KLK13: variants seen among roughly 807,000 people sequenced by gnomAD.
KLK13 encodes kallikrein-13.
In KLK13, 19 loss-of-function variants were observed where a neutral mutation model predicts 22.4. The ratio of observed to expected loss-of-function variants is 0.85; its 90% CI spans 0.59 to 1.24. KLK13 has a LOEUF of 1.24. Ranked by LOEUF, KLK13 falls within the 50% of genes most tolerant of loss-of-function variation. The pLI is 0.00. For missense variants in KLK13, 311 were observed against 347.9 expected, an observed-to-expected ratio of 0.89 and a Z score of 0.84; for synonymous variants, 156 against 141.8, an observed-to-expected ratio of 1.10 and a Z score of -0.71.
chr19:51,056,653 C>T lies in KLK13; in HGVS notation c.768G>A (p.Leu256=). The T allele has an allele frequency of 6.8e-6, 11 of 1,614,212 alleles. No homozygotes were observed. The highest frequency in any genetic ancestry group is 9.3e-6 in the Non-Finnish European group (11 of 1,180,038). Residue 256 remains leucine (L), a synonymous_variant, in exon 5 of 5, where the codon CTG becomes CTA. Transcript: ENST00000595793. ...ATTTTCGGATTGTTTCACGGATCCA[C>T]AGGACGTATCTTGAGACACGGGTGT... ...GVYTRVSRYV[L]WIRETIRKYE... is the part of the protein sequence containing the mutation.
upstream of KLK13, among the ~76,000 whole-genome samples, chr19:51,065,374 A>T (rs569710819): frequency 6.7e-6 from 1 of 150,354 alleles, no homozygotes; most frequent in Non-Finnish European, 1.5e-5. Context: ...TGGTCGGTGC[A>T]CTCTCGCCCT....
chr19:51,056,862 A>G, intron 4 of KLK13, 87 bp from the exon 5 acceptor site: 1 of 983,396 alleles, frequency 1.0e-6, no homozygotes, highest in South Asian at 1.5e-5. Flanking sequence ...GAGAGAGTGA[A>G]AGATGGAGAG....
intron 4 of KLK13, 145 bp downstream of exon 4, chr19:51,058,393 G>T: frequency 1.3e-5 from 12 of 937,706 alleles, no homozygotes; most frequent in African/African-American, 3.3e-5. Flanking sequence ...ACCCCTTTTT[G>T]TCTTGACCTC....
rs759368450 is a variant in KLK13, at chr19:51,064,633, G to A, written c.52+383C>T. 6 of 546,266 alleles carry A rather than the reference G, an allele frequency of 1.1e-5. No homozygotes were observed. In the East Asian group the frequency reaches 1.9e-4, roughly 17 times the overall value. The allele number at this position is 546,266 out of a possible 1,614,324, so 33.8% of individuals were successfully genotyped here. A position where few individuals can be genotyped will look rare whatever the true frequency, so the allele number is the denominator to read the frequency against. On this transcript the variant is annotated intron_variant, in intron 1 of 4. Transcript: ENST00000595793. ...TATTCACAGTGACCTTCTCTGGTAA[G>A]CACTTATAGATTAAGCCCATTTTCC...
At chr19:51,065,095 G>C, upstream of KLK13, 1 of 1,460,978 alleles carries the variant, frequency 6.8e-7, no homozygotes, top group Non-Finnish European at 9.3e-7. Flanking sequence ...GGGAGGGCAG[G>C]GCGGGCGGGG....
Position 51,059,831 on chromosome 19 carries a change from G to A in KLK13, c.502C>T (p.Pro168Ser). ...RVSGWGTTTS[P>S]QVNYPKTLQC... is the part of the protein sequence containing the mutation. ...CACCTGTGTGGGTGCATACCCTGGG[G>A]GCTGGTGGTGGTGCCCCAGCCAGAC... The change falls in exon 3 of 5, where the codon CCC becomes TCC. Residue 168 changes from proline to serine, a missense_variant. Coordinates refer to ENST00000595793, the MANE Select transcript of KLK13 (RefSeq NM_015596.3). 1 of 1,601,002 alleles carries A rather than the reference G, an allele frequency of 6.2e-7. No individual in the cohort carries two copies. Among genetic ancestry groups the A allele is most frequent in the Non-Finnish European group, 8.5e-7 (1 of 1,173,024 alleles).
At chr19:51,063,465 G>T (rs187347741) in intron 1 of KLK13, 43 of 348,280 alleles carry the variant, frequency 1.2e-4, no homozygotes, top group African/African-American at 8.8e-4. Context: ...ATATGGACAG[G>T]GAAAACAACC....
chr19:51,058,510 A>G, intron 4 of KLK13, 28 bp downstream of exon 4: 2 of 1,613,064 alleles, frequency 1.2e-6, no homozygotes, highest in Non-Finnish European at 1.7e-6. Flanking sequence ...TATCCTGTCC[A>G]AGGCACCCAC....
rs1555791165 is a variant in KLK13 at position 51,056,779 on chromosome 19, AG to A, written c.646-5del. 1.9e-6 allele frequency: 3 copies of A among 1,611,308 alleles called. No homozygotes were observed. The highest frequency in any genetic ancestry group is 2.5e-6 in the Non-Finnish European group (3 of 1,178,098). ...CCAGGGGGCCCCCAGAGTCACCCTG[AG>A]TTGGGGAAAGAAAGAGAGAGAGAGG... is the stretch of plus-strand genomic sequence containing the variant. On this transcript the variant is annotated splice_polypyrimidine_tract_variant and splice_region_variant and intron_variant, in intron 4 of 4. Coordinates refer to ENST00000595793, the MANE Select transcript of KLK13 (RefSeq NM_015596.3).
intron 4 of KLK13, among the ~76,000 whole-genome samples, chr19:51,058,130 G>C (rs1227445338): frequency 2.0e-5 from 3 of 152,170 alleles, no homozygotes; most frequent in African/African-American, 7.2e-5. Flanking sequence ...ACAGAATAAA[G>C]AAGAGCTGAG....
intron 1 of KLK13, 112 bp downstream of exon 1, chr19:51,064,904 C>T (rs1599791021): frequency 1.2e-6 from 1 of 862,258 alleles, no homozygotes; most frequent in Non-Finnish European, 1.8e-6. Context: ...GACCCGGCCC[C>T]GAGTGGGCGG....
intron 4 of KLK13, among the ~76,000 whole-genome samples, chr19:51,057,674 A>C (rs1477750682): frequency 6.6e-6 from 1 of 152,110 alleles, no homozygotes; most frequent in Non-Finnish European, 1.5e-5. Context: ...ACAGAGTCTC[A>C]CTATGTTGCC....
upstream of KLK13, chr19:51,065,202 T>G (rs1289013150): frequency 1.7e-6 from 1 of 596,542 alleles, no homozygotes; most frequent in East Asian, 3.3e-5. Context: ...CATTCACTCT[T>G]GACAGCCCTG....
At chr19:51,059,599 GATCT>G in intron 3 of KLK13, 1 of 250,670 alleles carries the variant, frequency 4.0e-6, no homozygotes. Context: ...TCATATATTA[GATCT>G]ATTTATATTT....
At chr19:51,061,506 A>G (rs2091731267) in intron 1 of KLK13, among the ~76,000 whole-genome samples, 1 of 152,202 alleles carries the variant, frequency 6.6e-6, no homozygotes, top group African/African-American at 2.4e-5. Flanking sequence ...TTCCCACCTC[A>G]GTGCTCAGCC....
In KLK13 at chr19:51,056,173, C is replaced by T. The variant is rs1261109682; in HGVS notation, c.*414G>A. The stretch of plus-strand genomic sequence containing the variant: ...AAAAATAGAAGGTCTAGGATACTGG[C>T]ATTGAATAAATACTTGAAGAGTTAG... On this transcript the variant is annotated 3_prime_UTR_variant, in exon 5 of 5. Transcript: ENST00000595793. 5 of 169,062 alleles carry T rather than the reference C, an allele frequency of 3.0e-5. No individual in the cohort carries two copies. Among genetic ancestry groups the T allele is most frequent in the Admixed American group, 1.8e-4 (3 of 16,520 alleles). 10.5% of individuals were successfully genotyped at this position (169,062 alleles called of 1,614,324 possible). A position where few individuals can be genotyped will look rare whatever the true frequency, so the allele number is the denominator to read the frequency against.
chr19:51,056,697 G>A lies in KLK13; in HGVS notation c.724C>T (p.Pro242Ser). The A allele has an allele frequency of 6.2e-7, 1 of 1,614,200 alleles. No homozygotes were observed. Among genetic ancestry groups the A allele is most frequent in the Non-Finnish European group, 8.5e-7 (1 of 1,180,030 alleles). ...VSWGDFPCGQ[P>S]DRPGVYTRVS... Reference sequence around the variant, plus strand: ...CGGGTGTAGACACCAGGCCGGTCAGGTTGCCCACATGGGAAGTCTCCCCAG... The same window carrying A: ...CGGGTGTAGACACCAGGCCGGTCAGATTGCCCACATGGGAAGTCTCCCCAG... Residue 242 changes from proline (P) to serine (S), a missense_variant, in exon 5 of 5, where the codon CCT (proline) becomes TCT (serine). Coordinates refer to ENST00000595793, the MANE Select transcript of KLK13 (RefSeq NM_015596.3).
chr19:51,065,095 G>T, upstream of KLK13: 3 of 1,460,968 alleles, frequency 2.1e-6, no homozygotes, highest in South Asian at 2.5e-5. Context: ...GGGAGGGCAG[G>T]GCGGGCGGGG....
chr19:51,058,478 T>G (rs2091695452), intron 4 of KLK13, 60 bp downstream of exon 4: 1 of 1,597,568 alleles, frequency 6.3e-7, no homozygotes, highest in Non-Finnish European at 8.6e-7. Context: ...CCCCAGCATC[T>G]GTCACTTCCA....
Sources: gnomAD v4.1 joint callset for allele counts (sites outside exome capture counted in the v4.1 genomes callset) on GRCh38, gnomAD v4.1.1 for gene constraint, MANE v1.5 for transcripts, NCBI Gene and HGNC (gene_info 2026-07-23, HGNC 2026-07-21) for gene names.